The following PLEKHM3 variants were observed in gnomAD, a reference collection of about 807,000 sequenced individuals.
The protein encoded by PLEKHM3 is pleckstrin homology domain-containing family M member 3.
In PLEKHM3, 45 loss-of-function variants were observed where a neutral mutation model predicts 81.8. The observed-to-expected ratio is 0.55, with a 90% CI of 0.43 to 0.71. PLEKHM3 has a LOEUF of 0.71. PLEKHM3 is among the 30% of genes least tolerant of loss of function. The pLI is 0.00. For synonymous variants in PLEKHM3, 352 were observed against 356.4 expected (o/e 0.99, Z 0.14); for missense variants, 788 against 924.3 (o/e 0.85, Z 1.91).
chr2:208,000,510 C>T (rs1692260297), intron 2 of PLEKHM3, among the ~76,000 whole-genome samples: 1 of 152,064 alleles, frequency 6.6e-6, no homozygotes, highest in Non-Finnish European at 1.5e-5. Flanking sequence ...TTTCAATGGC[C>T]CATCTATTGT....
chr2:207,992,713 A>T (rs1463194040), intron 2 of PLEKHM3, among the ~76,000 whole-genome samples: 5 of 151,792 alleles, frequency 3.3e-5, no homozygotes, highest in Admixed American at 2.6e-4. Context: ...CCATGGGAAC[A>T]TAAAGTGAAA....
intron 6 of PLEKHM3, among the ~76,000 whole-genome samples, chr2:207,874,130 C>A (rs1457960034): frequency 1.3e-5 from 2 of 152,146 alleles, no homozygotes; most frequent in Non-Finnish European, 2.9e-5. Context: ...TATGCCTGGG[C>A]ACCTGTACAT....
chr2:207,997,030 C>T (rs1418106750), intron 2 of PLEKHM3, among the ~76,000 whole-genome samples: 1 of 151,048 alleles, frequency 6.6e-6, no homozygotes, highest in Non-Finnish European at 1.5e-5. Flanking sequence ...AATTACAATG[C>T]GGGTACAGAG....
At chr2:207,994,407 G>A (rs888815547) in intron 2 of PLEKHM3, among the ~76,000 whole-genome samples, 1 of 152,216 alleles carries the variant, frequency 6.6e-6, no homozygotes, top group African/African-American at 2.4e-5. Flanking sequence ...TGACAGTGAT[G>A]CAGAGGGAAA....
chr2:207,848,322 GAA>G (rs1007688972), intron 7 of PLEKHM3, among the ~76,000 whole-genome samples: 6 of 152,186 alleles, frequency 3.9e-5, no homozygotes, highest in African/African-American at 1.4e-4. Flanking sequence ...TCAGAAAAAT[GAA>G]AGAGTCTTTG....
intron 3 of PLEKHM3, among the ~76,000 whole-genome samples, chr2:207,951,956 ATC>A (rs1289624403): frequency 2.6e-5 from 4 of 152,138 alleles, no homozygotes; most frequent in Non-Finnish European, 2.9e-5. Flanking sequence ...ATCCAACTGA[ATC>A]TCTCTCACTA....
At chr2:207,921,228 T>C (rs1417039003) in intron 5 of PLEKHM3, among the ~76,000 whole-genome samples, 1 of 152,092 alleles carries the variant, frequency 6.6e-6, no homozygotes, top group Non-Finnish European at 1.5e-5. Flanking sequence ...TTTGTATTTT[T>C]CGCAGAGACG....
chr2:207,919,980 T>A (rs2105919555), intron 5 of PLEKHM3, among the ~76,000 whole-genome samples: 2 of 152,080 alleles, frequency 1.3e-5, no homozygotes, highest in East Asian at 3.9e-4. Context: ...ACACACACAT[T>A]TTTTTCTGGT....
intron 6 of PLEKHM3, among the ~76,000 whole-genome samples, chr2:207,865,801 A>AAAATATATATATAT: frequency 4.0e-5 from 1 of 25,290 alleles, no homozygotes; most frequent in African/African-American, 2.1e-4. Context: ...AAAAAAAAAA[A>AAAATATATATATAT]AGATATATAT....
intron 3 of PLEKHM3, among the ~76,000 whole-genome samples, chr2:207,948,157 C>A (rs1279286055): frequency 6.6e-6 from 1 of 152,080 alleles, no homozygotes; most frequent in Non-Finnish European, 1.5e-5. Flanking sequence ...TGAGTTAGAA[C>A]CAACACACAT....
At chr2:208,023,517 C>G (rs370428472) in intron 1 of PLEKHM3, among the ~76,000 whole-genome samples, 1 of 151,918 alleles carries the variant, frequency 6.6e-6, no homozygotes, top group Non-Finnish European at 1.5e-5. Flanking sequence ...GGACCAGCCA[C>G]GCATTGCTGT....
rs1030060697 is a variant in PLEKHM3 at position 207,946,965 on chromosome 2, A to C, written c.1547-453T>G. Among the ~76,000 whole-genome samples, 3 of 152,360 alleles carry C rather than the reference A, an allele frequency of 2.0e-5. 1 individual carries two copies. The highest frequency in any genetic ancestry group is 7.2e-5 in the African/African-American group (3 of 41,592). On this transcript the variant is annotated intron_variant, in intron 3 of 7. Transcript: ENST00000427836. ...TATAGATGAAGAATCTAAGATTTTT[A>C]TGAGGTTAAGTATCTTGTCTGAGTT...
chr2:207,882,093 G>C (rs910159076), intron 6 of PLEKHM3, among the ~76,000 whole-genome samples: 2 of 152,188 alleles, frequency 1.3e-5, no homozygotes, highest in Non-Finnish European at 2.9e-5. Flanking sequence ...CCCCTTTAAA[G>C]AGAAATTTAA....
chr2:207,836,008 A>C lies in PLEKHM3; in HGVS notation c.2109-7512T>G, dbSNP rs10167948. Among the ~76,000 whole-genome samples, 982 of 152,270 alleles carry C rather than the reference A, an allele frequency of 6.4e-3. 12 individuals are homozygous for C. The highest frequency in any genetic ancestry group is 0.022 in the African/African-American group (934 of 41,562). On this transcript the variant is annotated intron_variant, in intron 7 of 7. Coordinates refer to ENST00000427836, the MANE Select transcript of PLEKHM3 (RefSeq NM_001080475.3). ...GGTGCATGTCAACACTGGATACACC[A>C]CAAGACATGGGACCAGGAAGGGAGG...
intron 6 of PLEKHM3, among the ~76,000 whole-genome samples, chr2:207,865,984 G>C (rs1419322109): frequency 1.3e-5 from 2 of 150,628 alleles, no homozygotes; most frequent in African/African-American, 4.9e-5. Context: ...TTCACTGTAA[G>C]TCTCTTTTTT....
intron 7 of PLEKHM3, among the ~76,000 whole-genome samples, chr2:207,836,364 A>ATT (rs1188413344): frequency 6.6e-6 from 1 of 151,252 alleles, no homozygotes; most frequent in Non-Finnish European, 1.5e-5. Context: ...TATATATTTT[A>ATT]TGAACAGTCT....
Position 207,922,053 on chromosome 2 carries a change from G to C in PLEKHM3, c.1886+8873C>G, listed in dbSNP as rs553228121. ...GCTCTATTTTTAGTTTTTTGAGGAAGCTCCATGCTCTTTTCCATAGAGTCT... is the reference window on the plus strand; with the variant it reads ...GCTCTATTTTTAGTTTTTTGAGGAACCTCCATGCTCTTTTCCATAGAGTCT... On this transcript the variant is annotated intron_variant, in intron 5 of 7. Coordinates refer to ENST00000427836, the MANE Select transcript of PLEKHM3 (RefSeq NM_001080475.3). Among the ~76,000 whole-genome samples the C allele has an allele frequency of 2.0e-5, 3 of 152,288 alleles. No individual in the cohort carries two copies. The East Asian group carries it at 5.8e-4, about 29-fold the overall frequency.
At chr2:207,909,302 A>T (rs73983631) in intron 5 of PLEKHM3, among the ~76,000 whole-genome samples, 2 of 152,226 alleles carry the variant, frequency 1.3e-5, no homozygotes, top group African/African-American at 2.4e-5. Context: ...TGGGTAAGCA[A>T]ACAGGTTACC....
chr2:208,021,108 A>G (rs911436155), intron 1 of PLEKHM3, among the ~76,000 whole-genome samples: 4 of 152,256 alleles, frequency 2.6e-5, no homozygotes, highest in Non-Finnish European at 4.4e-5. Flanking sequence ...ACTGTAATAG[A>G]GTATGTCAAG....
Sources: gnomAD v4.1 joint callset for allele counts (sites outside exome capture counted in the v4.1 genomes callset) on GRCh38, gnomAD v4.1.1 for gene constraint, MANE v1.5 for transcripts, NCBI Gene and HGNC (gene_info 2026-07-23, HGNC 2026-07-21) for gene names.